Variants in CNTNAP2 observed in about 807,000 individuals in gnomAD.
CNTNAP2 encodes contactin associated protein 2, also known as contactin-associated protein-like 2.
In CNTNAP2, 98 loss-of-function variants were observed where a neutral mutation model predicts 155.2. That is an observed-to-expected ratio of 0.63 (90% confidence interval 0.54 to 0.75). The LOEUF (loss-of-function observed/expected upper bound fraction) is 0.75. Ranked by LOEUF, CNTNAP2 falls within the 30% of genes least tolerant of loss-of-function variation. The pLI is 0.00. For synonymous variants in CNTNAP2, 651 were observed against 631.2 expected (o/e 1.03, Z -0.47); for missense variants, 1,727 against 1,688.1 (o/e 1.02, Z -0.40).
chr7:148,352,514 A>C (rs1798444771), intron 21 of CNTNAP2, among the ~76,000 whole-genome samples: 1 of 152,230 alleles, frequency 6.6e-6, no homozygotes, highest in Non-Finnish European at 1.5e-5. Flanking sequence ...AGCCAATGTG[A>C]ATGTGCCGCC....
At chr7:147,406,360 C>A (rs1797005548) in intron 10 of CNTNAP2, among the ~76,000 whole-genome samples, 1 of 151,746 alleles carries the variant, frequency 6.6e-6, no homozygotes, top group African/African-American at 2.4e-5. Flanking sequence ...GAATTTTTTT[C>A]TTTGGTATTT....
intron 9 of CNTNAP2, among the ~76,000 whole-genome samples, chr7:147,394,658 G>A (rs911651527): frequency 4.0e-5 from 6 of 151,826 alleles, no homozygotes; most frequent in African/African-American, 1.5e-4. Context: ...TCCATAATGG[G>A]TGTTTCTATC....
At chr7:146,324,777 T>TTATATA (rs149639520) in intron 1 of CNTNAP2, among the ~76,000 whole-genome samples, 6,647 of 150,512 alleles carry the variant, frequency 0.044, 360 homozygotes, top group African/African-American at 0.13. Context: ...GGAAGAGTAA[T>TTATATA]TATATATATA....
chr7:146,307,124 T>G (rs1203219729), intron 1 of CNTNAP2, among the ~76,000 whole-genome samples: 1 of 152,162 alleles, frequency 6.6e-6, no homozygotes, highest in Non-Finnish European at 1.5e-5. Flanking sequence ...ATAAGCAACT[T>G]CAGCAGTCTC....
At chr7:148,165,472 G>T (rs1805636917) in intron 17 of CNTNAP2, among the ~76,000 whole-genome samples, 1 of 152,100 alleles carries the variant, frequency 6.6e-6, no homozygotes, top group Non-Finnish European at 1.5e-5. Flanking sequence ...CATCATCTCA[G>T]CCATATTTAA....
chr7:146,359,226 A>G (rs1563054168), intron 1 of CNTNAP2, among the ~76,000 whole-genome samples: 1 of 152,250 alleles, frequency 6.6e-6, no homozygotes, highest in South Asian at 2.1e-4. Context: ...TTGGAAATAC[A>G]TATAATTTTT....
chr7:146,811,602 A>G (rs1467123781), intron 2 of CNTNAP2, among the ~76,000 whole-genome samples: 1 of 151,860 alleles, frequency 6.6e-6, no homozygotes, highest in Non-Finnish European at 1.5e-5. Flanking sequence ...GATCTTTTCT[A>G]TAGGCTTTTC....
chr7:146,522,658 T>A (rs565087781), intron 1 of CNTNAP2, among the ~76,000 whole-genome samples: 1 of 151,834 alleles, frequency 6.6e-6, no homozygotes, highest in African/African-American at 2.4e-5. Context: ...TTAGATATTA[T>A]AGTATCAGGA....
chr7:146,337,670 A>G (rs1277720193), intron 1 of CNTNAP2, among the ~76,000 whole-genome samples: 4 of 151,858 alleles, frequency 2.6e-5, no homozygotes, highest in African/African-American at 9.7e-5. Context: ...AGGTCTCATT[A>G]TGTTGCCCAG....
At chr7:148,176,735 C>T (rs541571889) in intron 18 of CNTNAP2, among the ~76,000 whole-genome samples, 91 of 152,254 alleles carry the variant, frequency 6.0e-4, no homozygotes, top group African/African-American at 2.0e-3. Flanking sequence ...CTTCTCAGCA[C>T]GTTCATCAAT....
At chr7:148,190,769 C>G (rs1212067243) in intron 18 of CNTNAP2, 2 of 151,704 alleles carry the variant, frequency 1.3e-5, no homozygotes, top group African/African-American at 4.9e-5. Flanking sequence ...CGGGCGGCCA[C>G]TGGTACAAGT....
chr7:148,132,853 C>A (rs898856344), intron 16 of CNTNAP2, among the ~76,000 whole-genome samples: 3 of 152,178 alleles, frequency 2.0e-5, no homozygotes, highest in African/African-American at 7.2e-5. Context: ...CTTCCAGCCA[C>A]TTCTCTCCAC....
At position 147,474,959 on chromosome 7, in the gene CNTNAP2, C is replaced by T. The variant is rs78782001; in HGVS notation, c.1671-10976C>T. Among the ~76,000 whole-genome samples, 83 of 152,276 alleles carry T rather than the reference C, an allele frequency of 5.5e-4. No individual in the cohort carries two copies. In the East Asian group the frequency reaches 0.016, roughly 29 times the overall value. On this transcript the variant is annotated intron_variant, in intron 10 of 23. Coordinates refer to ENST00000361727, the MANE Select transcript of CNTNAP2 (RefSeq NM_014141.6). ...CTATTCACACAACAGCTAGAACAAT[C>T]GTCATTTAAAACAAATGGAAGCATA... is the stretch of plus-strand genomic sequence containing the variant.
At chr7:148,078,200 A>T (rs1369997454) in intron 15 of CNTNAP2, among the ~76,000 whole-genome samples, 1 of 151,850 alleles carries the variant, frequency 6.6e-6, no homozygotes, top group Non-Finnish European at 1.5e-5. Context: ...AGTAGCTGGG[A>T]TTACAGGTGC....
intron 21 of CNTNAP2, among the ~76,000 whole-genome samples, chr7:148,282,825 G>T (rs1796996700): frequency 8.0e-6 from 1 of 124,632 alleles, no homozygotes; most frequent in African/African-American, 3.0e-5. Flanking sequence ...TTTAGTATTT[G>T]GTTAAAGAAG....
At chr7:147,119,823 A>G (rs1801066504) in intron 5 of CNTNAP2, among the ~76,000 whole-genome samples, 2 of 152,218 alleles carry the variant, frequency 1.3e-5, no homozygotes, top group African/African-American at 2.4e-5. Flanking sequence ...GTGACAGTCA[A>G]TTGTTTATCT....
intron 22 of CNTNAP2, among the ~76,000 whole-genome samples, chr7:148,397,361 C>T (rs1799492939): frequency 6.6e-6 from 1 of 152,198 alleles, no homozygotes; most frequent in Non-Finnish European, 1.5e-5. Context: ...CTAAAGTATG[C>T]AGAGACTAGC....
At chr7:146,746,457 T>C (rs1801811523) in intron 1 of CNTNAP2, among the ~76,000 whole-genome samples, 1 of 152,162 alleles carries the variant, frequency 6.6e-6, no homozygotes, top group Non-Finnish European at 1.5e-5. Context: ...AAACATGTAT[T>C]TGGCAGTAAT....
chr7:147,469,525 TTTTTTTTC>T (rs539009287), intron 10 of CNTNAP2, among the ~76,000 whole-genome samples: 3,977 of 94,658 alleles, frequency 0.042, 415 homozygotes, highest in African/African-American at 0.13. Context: ...TTTTTTTTTT[TTTTTTTTC>T]TGTGAGACAA....
Sources: allele counts gnomAD v4.1 joint callset (sites outside exome capture counted in the v4.1 genomes callset), GRCh38; gene constraint gnomAD v4.1.1; transcripts MANE v1.5; gene names NCBI Gene and HGNC (gene_info 2026-07-23, HGNC 2026-07-21).